ADK: variants seen among roughly 807,000 people sequenced by gnomAD.
ADK encodes the protein adenosine kinase.
ADK carries 24 observed loss-of-function variants against 44.7 expected under a neutral mutation model. That is an observed-to-expected ratio of 0.54 (90% CI 0.39 to 0.76). The LOEUF is 0.76. Among genes scored for constraint, ADK ranks in the 30% least tolerant of loss-of-function variants. ADK has a pLI of 0.00. For synonymous variants in ADK, 128 were observed against 142.6 expected (o/e 0.90, Z 0.73); for missense variants, 321 against 425.1 (o/e 0.76, Z 2.15).
chr10:74,672,226 T>A (rs1051894590), intron 10 of ADK, among the ~76,000 whole-genome samples: 1 of 152,202 alleles, frequency 6.6e-6, no homozygotes, highest in Non-Finnish European at 1.5e-5. Context: ...ATAGTGACTA[T>A]TTTAGGCTTT....
chr10:74,616,955 G>A (rs549934749), intron 9 of ADK, among the ~76,000 whole-genome samples: 5 of 151,574 alleles, frequency 3.3e-5, no homozygotes, highest in Admixed American at 6.6e-5. Context: ...TTAGGTTTTC[G>A]ATGCTATCTA....
intron 2 of ADK, among the ~76,000 whole-genome samples, chr10:74,218,727 G>T (rs983560305): frequency 6.6e-6 from 1 of 152,146 alleles, no homozygotes. Flanking sequence ...CATTCTTAAA[G>T]AAAAGAATTT....
At chr10:74,405,447 A>G (rs1312394766) in intron 6 of ADK, among the ~76,000 whole-genome samples, 1 of 151,784 alleles carries the variant, frequency 6.6e-6, no homozygotes, top group Non-Finnish European at 1.5e-5. Flanking sequence ...TGGACTCTTA[A>G]TGAAACCTTT....
intron 7 of ADK, among the ~76,000 whole-genome samples, chr10:74,582,977 T>C (rs1270058322): frequency 6.6e-6 from 1 of 152,172 alleles, no homozygotes; most frequent in Non-Finnish European, 1.5e-5. Flanking sequence ...TTCTCCAGCC[T>C]TCAGTTACTT....
chr10:74,475,499 C>T (rs1368640917), intron 6 of ADK, among the ~76,000 whole-genome samples: 1 of 151,854 alleles, frequency 6.6e-6, no homozygotes, highest in Non-Finnish European at 1.5e-5. Flanking sequence ...TCACATGAGG[C>T]CAGGAGTTTG....
In ADK at chr10:74,577,110, C is replaced by CTCTG. The variant is rs1554883617; in HGVS notation, c.727-12171_727-12170insCTGT. Among the ~76,000 whole-genome samples the CTCTG allele has an allele frequency of 1.0e-3, 141 of 137,416 alleles. 1 individual carries two copies. Among genetic ancestry groups the CTCTG allele is most frequent in the South Asian group, 1.5e-3 (6 of 3,982 alleles). The allele number at this position is 137,416 out of a possible 152,430, so 90.2% of individuals were successfully genotyped here. A position where few individuals can be genotyped will look rare whatever the true frequency, so the allele number is the denominator to read the frequency against. ...CCACTTAGTGTTTTGTATTATTTCTCTGTGTGTGTGTGTGTGTGTGTGTGT... is the reference window on the plus strand; with the variant it reads ...CCACTTAGTGTTTTGTATTATTTCTCTCTGTGTGTGTGTGTGTGTGTGTGTGTGT... On this transcript the variant is annotated intron_variant, in intron 7 of 10. Coordinates refer to ENST00000539909, the MANE Select transcript of ADK (RefSeq NM_006721.4).
rs1250126080 is a variant in ADK, at chr10:74,384,615, G to C, written c.274-9526G>C. Among the ~76,000 whole-genome samples the C allele has an allele frequency of 2.6e-5, 4 of 152,234 alleles. 1 individual carries two copies. Among genetic ancestry groups the C allele is most frequent in the Admixed American group, 6.5e-5 (1 of 15,294 alleles). ...AACCTGGAAGGCAGAGGTTTGCGGTGAGTCAAGATCGCACCACTGCTCTCC... is the reference window on the plus strand; with the variant it reads ...AACCTGGAAGGCAGAGGTTTGCGGTCAGTCAAGATCGCACCACTGCTCTCC... On this transcript the variant is annotated intron_variant, in intron 4 of 10. Transcript: ENST00000539909.
rs78504019 is a variant in ADK at position 74,200,485 on chromosome 10, CAA to C, written c.66-262_66-261del. Among the ~76,000 whole-genome samples, 34 of 93,912 alleles carry C rather than the reference CAA, an allele frequency of 3.6e-4. 1 individual carries two copies. The highest frequency in any genetic ancestry group is 4.6e-4 in the Admixed American group (4 of 8,678). 61.6% of individuals were successfully genotyped at this position (93,912 alleles called of 152,430 possible). ...GGCGACAAGAGCGAAACTCCGTGTC[CAA>C]AAAAAAAAAAAAAAAATAGGTATTC... On this transcript the variant is annotated intron_variant, in intron 1 of 10. Transcript: ENST00000539909.
At chr10:74,504,224 G>A (rs148146867) in intron 6 of ADK, among the ~76,000 whole-genome samples, 301 of 151,738 alleles carry the variant, frequency 2.0e-3, no homozygotes, top group African/African-American at 7.0e-3. Flanking sequence ...AATAATTACT[G>A]TTGTTGTTTT....
At chr10:74,351,365 A>G (rs1411456133) in intron 4 of ADK, among the ~76,000 whole-genome samples, 1 of 152,240 alleles carries the variant, frequency 6.6e-6, no homozygotes, top group Non-Finnish European at 1.5e-5. Context: ...TGATAAAATT[A>G]AACATCCTTC....
chr10:74,190,161 AT>A (rs1842911694), intron 1 of ADK, among the ~76,000 whole-genome samples: 1 of 152,168 alleles, frequency 6.6e-6, no homozygotes, highest in Admixed American at 6.5e-5. Context: ...CTGCCAAACT[AT>A]TTTCCAAAGC....
At chr10:74,469,926 A>G (rs577771763) in intron 6 of ADK, among the ~76,000 whole-genome samples, 2 of 151,238 alleles carry the variant, frequency 1.3e-5, no homozygotes, top group African/African-American at 4.9e-5. Flanking sequence ...TTCCCTTACC[A>G]TGATGTCCTC....
chr10:74,602,015 A>T (rs773878316), intron 9 of ADK, among the ~76,000 whole-genome samples: 3 of 150,308 alleles, frequency 2.0e-5, no homozygotes, highest in Non-Finnish European at 4.4e-5. Flanking sequence ...TGATGCAAGA[A>T]GATCACTTGA....
At chr10:74,223,328 T>G (rs1028586391) in intron 2 of ADK, among the ~76,000 whole-genome samples, 5 of 152,138 alleles carry the variant, frequency 3.3e-5, no homozygotes, top group Non-Finnish European at 5.9e-5. Flanking sequence ...TTAATCCATT[T>G]ATGAAGGTGG....
chr10:74,391,690 C>CACAT (rs1843338635), intron 4 of ADK, among the ~76,000 whole-genome samples: 1 of 150,962 alleles, frequency 6.6e-6, no homozygotes, highest in Non-Finnish European at 1.5e-5. Context: ...CACACACACA[C>CACAT]ACACACATTC....
intron 9 of ADK, among the ~76,000 whole-genome samples, chr10:74,607,523 C>A (rs973656748): frequency 6.6e-6 from 1 of 152,068 alleles, no homozygotes; most frequent in African/African-American, 2.4e-5. Context: ...ATTCTGGGTT[C>A]AAAATTCTTT....
At chr10:74,469,212 A>C (rs1344788843) in intron 6 of ADK, among the ~76,000 whole-genome samples, 1 of 152,182 alleles carries the variant, frequency 6.6e-6, no homozygotes, top group South Asian at 2.1e-4. Context: ...GATAGTGCGC[A>C]CTTGTAGTCT....
intron 6 of ADK, among the ~76,000 whole-genome samples, chr10:74,512,320 G>A (rs1012321833): frequency 6.6e-6 from 1 of 150,506 alleles, no homozygotes; most frequent in Non-Finnish European, 1.5e-5. Flanking sequence ...GAATCAATTA[G>A]GAAGTATTTC....
chr10:74,256,891 A>C (rs1180486502), intron 3 of ADK, among the ~76,000 whole-genome samples: 3 of 152,288 alleles, frequency 2.0e-5, no homozygotes, highest in South Asian at 2.1e-4. Context: ...ATTTATAGAA[A>C]ATTTTTTACC....
Sources: allele counts gnomAD v4.1 joint callset (sites outside exome capture counted in the v4.1 genomes callset), GRCh38; gene constraint gnomAD v4.1.1; transcripts MANE v1.5; gene names NCBI Gene and HGNC (gene_info 2026-07-23, HGNC 2026-07-21).